Variants in ABCA1 observed in about 807,000 individuals in gnomAD.
ABCA1 encodes phospholipid-transporting ATPase ABCA1.
In ABCA1, 133 loss-of-function variants were observed where a neutral mutation model predicts 262.5. The observed-to-expected ratio is 0.51, with a 90% confidence interval of 0.44 to 0.59. The LOEUF is 0.59. Among genes scored for constraint, ABCA1 ranks in the 20% least tolerant of loss-of-function variants. The probability of loss-of-function intolerance (pLI) is 0.00; values close to 1 mark genes in which losing one functional copy is unlikely to be tolerated. For synonymous variants in ABCA1, 1,022 were observed against 1,043.5 expected (o/e 0.98, Z 0.40); for missense variants, 2,452 against 2,777.5 (o/e 0.88, Z 2.63).
At chr9:104,787,879 TC>T (rs762842594) in intron 46 of ABCA1, 40 bp downstream of exon 46, 1 of 1,613,868 alleles carries the variant, frequency 6.2e-7, no homozygotes, top group South Asian at 1.1e-5. Context: ...TGTTTTCCAC[TC>T]AGGCCAGAAC....
intron 5 of ABCA1, among the ~76,000 whole-genome samples, chr9:104,879,395 A>G (rs1201679434): frequency 6.6e-6 from 1 of 152,236 alleles, no homozygotes; most frequent in East Asian, 1.9e-4. Flanking sequence ...TCTCCACTGG[A>G]CTGATCCAAG....
intron 28 of ABCA1, 53 bp downstream of exon 28, chr9:104,812,521 G>T: frequency 6.2e-7 from 1 of 1,611,692 alleles, no homozygotes. Context: ...TGGTCACAGA[G>T]CCTGCAGCCC....
intron 7 of ABCA1, chr9:104,855,706 G>A (rs1246523986): frequency 6.5e-7 from 1 of 1,537,508 alleles, no homozygotes; most frequent in African/African-American, 1.4e-5. Context: ...GGCTTACAGG[G>A]ACTAAATAAT....
intron 32 of ABCA1, 40 bp from the exon 33 acceptor site, chr9:104,803,356 C>G (rs1342525133): frequency 1.3e-6 from 2 of 1,598,410 alleles, no homozygotes; most frequent in Non-Finnish European, 1.7e-6. Flanking sequence ...TCAAAGAAAG[C>G]ACTGAGCCTA....
chr9:104,872,092 G>C (rs1837673194), intron 5 of ABCA1, among the ~76,000 whole-genome samples: 4 of 152,172 alleles, frequency 2.6e-5, no homozygotes, highest in African/African-American at 7.2e-5. Flanking sequence ...GGACATAGTA[G>C]TGCTTTGTGG....
intron 22 of ABCA1, 119 bp downstream of exon 22, chr9:104,819,467 G>A: frequency 7.3e-7 from 1 of 1,369,220 alleles, no homozygotes; most frequent in Non-Finnish European, 1.0e-6. Flanking sequence ...TCTCTTCTGT[G>A]ATAACAGAAG....
intron 5 of ABCA1, among the ~76,000 whole-genome samples, chr9:104,879,376 G>A (rs1838433209): frequency 1.3e-5 from 2 of 152,168 alleles, no homozygotes; most frequent in Admixed American, 6.5e-5. Context: ...GGTCTACAGG[G>A]GTGGTTAGTC....
At position 104,822,222 on chromosome 9, in the gene ABCA1, G is replaced by A. The variant is rs141342478; in HGVS notation, c.2828+274C>T. On this transcript the variant is annotated intron_variant, in intron 19 of 49. Coordinates refer to ENST00000374736, the MANE Select transcript of ABCA1 (RefSeq NM_005502.4). ...TCCAACATATGTAATCTATCTTTTC[G>A]TGGCTGCAGGTTCCAAGACCACTGC... Among the ~76,000 whole-genome samples, 18 of 152,262 alleles carry A rather than the reference G, an allele frequency of 1.2e-4. No homozygotes were observed. In the East Asian group the frequency reaches 1.9e-3, roughly 16 times the overall value.
rs111337110 is a variant in ABCA1, at chr9:104,814,384, A to G, written c.3787+43T>C. ...ACTCGTGCACTGAGAAAGCCAGCAG[A>G]AGGCACTATCTTAAGTGTGCCATTC... is the stretch of plus-strand genomic sequence containing the variant. On this transcript the variant is annotated intron_variant, in intron 26 of 49. Transcript: ENST00000374736. 12,012 of 1,606,220 alleles carry G rather than the reference A, an allele frequency of 7.5e-3. 102 individuals are homozygous for G. The highest frequency in any genetic ancestry group is 0.04 in the African/African-American group (3,032 of 74,884).
rs41436749 is a variant in ABCA1, at chr9:104,814,451, T to G, written c.3763A>C (p.Ser1255Arg). The G allele has an allele frequency of 1.6e-4, 265 of 1,614,056 alleles. 1 individual carries two copies. The African/African-American group carries it at 3.3e-3, about 20-fold the overall frequency. ...CCTGAGGTCTCAGCATCCACCCCAC[T>G]CTCTTCGGCCACCTTGAGGAATATC... ...EEIFLKVAEE[S>R]GVDAETSDGT... The change falls in exon 26 of 50, where the codon AGT (serine) becomes CGT (arginine). Residue 1255 changes from serine (S) to arginine (R), a missense_variant. By Grantham distance (110) the Ser-to-Arg change is moderately radical. Transcript: ENST00000374736.
chr9:104,913,341 C>G (rs749398883), intron 1 of ABCA1, among the ~76,000 whole-genome samples: 3 of 152,174 alleles, frequency 2.0e-5, no homozygotes, highest in Non-Finnish European at 4.4e-5. Context: ...CTGCTACTCA[C>G]CAGCTCTGGA....
At chr9:104,841,602 C>A (rs528385479) in intron 8 of ABCA1, among the ~76,000 whole-genome samples, 16 of 152,028 alleles carry the variant, frequency 1.1e-4, no homozygotes, top group Non-Finnish European at 2.2e-4. Context: ...GTTTTGGTAA[C>A]CCTGGGGGGC....
intron 5 of ABCA1, among the ~76,000 whole-genome samples, chr9:104,863,511 G>C (rs1043241451): frequency 1.2e-4 from 19 of 152,308 alleles, no homozygotes; most frequent in Admixed American, 7.2e-4. Flanking sequence ...ATGAGGACAG[G>C]AGTTAATCCG....
intron 31 of ABCA1, 107 bp from the exon 32 acceptor site, chr9:104,804,827 G>A (rs1830629537): frequency 1.1e-5 from 11 of 958,750 alleles, no homozygotes; most frequent in Non-Finnish European, 1.7e-5. Flanking sequence ...CCGGAAACCT[G>A]ACTACAGGTC....
intron 30 of ABCA1, among the ~76,000 whole-genome samples, chr9:104,808,534 A>G (rs1353420392): frequency 6.6e-6 from 1 of 152,220 alleles, no homozygotes; most frequent in Non-Finnish European, 1.5e-5. Context: ...TTTACCACCC[A>G]TTATGTACTA....
At chr9:104,795,431 C>T (rs1355625415) in intron 39 of ABCA1, among the ~76,000 whole-genome samples, 3 of 152,166 alleles carry the variant, frequency 2.0e-5, no homozygotes, top group Non-Finnish European at 4.4e-5. Flanking sequence ...GACAACATAA[C>T]CAGTTGAATG....
chr9:104,785,754 G>A (rs752263275), intron 48 of ABCA1, 115 bp from the exon 49 acceptor site: 3 of 1,273,232 alleles, frequency 2.4e-6, no homozygotes, highest in Non-Finnish European at 3.3e-6. Context: ...GGCAGGCCCA[G>A]AAATAAGTTT....
rs147578779 is a variant in ABCA1, at chr9:104,858,200, C to T, written c.720+322G>A. Among the ~76,000 whole-genome samples, 130 of 151,640 alleles carry T rather than the reference C, an allele frequency of 8.6e-4. 1 individual carries two copies. Among genetic ancestry groups the T allele is most frequent in the Admixed American group, 1.9e-3 (29 of 15,224 alleles). ...ACTTTTTTTTTTTAAATATGAAGAA[C>T]TCTGTTTTCAAATGAGCTCTTGCTT... On this transcript the variant is annotated intron_variant, in intron 7 of 49. Coordinates refer to ENST00000374736, the MANE Select transcript of ABCA1 (RefSeq NM_005502.4).
In ABCA1 at chr9:104,812,690, C is replaced by A; in HGVS notation, c.3934G>T (p.Asp1312Tyr). 6.2e-7 allele frequency: 1 copy of A among 1,614,230 alleles called. No homozygotes were observed. The highest frequency in any genetic ancestry group is 8.5e-7 in the Non-Finnish European group (1 of 1,180,040). ...TTCACCTGGTAGGACCCTTTGCCATCCATCCCACTGAGCAAGTCTGTCTCT... is the reference window on the plus strand; with the variant it reads ...TTCACCTGGTAGGACCCTTTGCCATACATCCCACTGAGCAAGTCTGTCTCT... The part of the protein sequence containing the change: ...SRETDLLSGM[D>Y]GKGSYQVKGW... Residue 1312 changes from aspartate to tyrosine, a missense_variant, in exon 28 of 50, where the codon GAT (aspartate) becomes TAT (tyrosine). This residue lies in a region of ABCA1 where 665 missense variants were observed against 727.3 expected (regional missense o/e 0.91). Transcript: ENST00000374736.
Sources: gnomAD v4.1 joint callset for allele counts (sites outside exome capture counted in the v4.1 genomes callset) on GRCh38, gnomAD v4.1.1 for gene constraint, gnomAD v4.1.1 regional missense constraint, MANE v1.5 for transcripts, NCBI Gene and HGNC (gene_info 2026-07-23, HGNC 2026-07-21) for gene names.